The following KIAA1958 variants were observed in gnomAD, a reference collection of about 807,000 sequenced individuals.
The protein encoded by KIAA1958 is KIAA1958, also known as uncharacterized protein KIAA1958.
A neutral mutation model predicts 47.2 loss-of-function variants in KIAA1958; 14 were observed. That is an observed-to-expected ratio of 0.30 (90% confidence interval 0.20 to 0.46). The LOEUF is 0.46. KIAA1958 is among the 20% of genes least tolerant of loss of function. The pLI, the probability that KIAA1958 is intolerant of heterozygous loss-of-function variation, is 1.00. For synonymous variants in KIAA1958, 354 were observed against 353.3 expected (o/e 1.00, Z -0.02); for missense variants, 803 against 909.2 (o/e 0.88, Z 1.50).
chr9:112,589,854 T>C (rs1483495711), intron 2 of KIAA1958, among the ~76,000 whole-genome samples: 1 of 152,208 alleles, frequency 6.6e-6, no homozygotes, highest in African/African-American at 2.4e-5. Flanking sequence ...AAGTTCCTTC[T>C]GACTTTTTTC....
intron 3 of KIAA1958, among the ~76,000 whole-genome samples, chr9:112,646,692 A>G (rs962748367): frequency 1.3e-5 from 2 of 152,218 alleles, no homozygotes; most frequent in Admixed American, 6.5e-5. Context: ...TGCTACAGCC[A>G]TGACTGTAAA....
At chr9:112,567,979 A>T (rs2131166446) in intron 1 of KIAA1958, among the ~76,000 whole-genome samples, 1 of 151,844 alleles carries the variant, frequency 6.6e-6, no homozygotes, top group Admixed American at 6.6e-5. Flanking sequence ...AAAAAAAAAA[A>T]AAAAATCCCG....
intron 1 of KIAA1958, among the ~76,000 whole-genome samples, chr9:112,522,770 A>G (rs753969593): frequency 7.2e-5 from 11 of 152,182 alleles, no homozygotes; most frequent in Non-Finnish European, 1.6e-4. Flanking sequence ...GCTGGGCAAG[A>G]TGAATGTTCT....
intron 2 of KIAA1958, among the ~76,000 whole-genome samples, chr9:112,625,931 A>G (rs1169665810): frequency 6.6e-6 from 1 of 152,224 alleles, no homozygotes. Context: ...TAGATTATGA[A>G]CAAAAATACA....
chr9:112,552,200 T>TA (rs1349806547), intron 1 of KIAA1958, among the ~76,000 whole-genome samples: 1 of 152,214 alleles, frequency 6.6e-6, no homozygotes, highest in East Asian at 1.9e-4. Context: ...AACAATCTGT[T>TA]AGAGAATTTA....
chr9:112,487,473 C>T lies in KIAA1958; in HGVS notation c.-25+355C>T, dbSNP rs1833880792. ...TGGGGCTGGCGCCCCCGCTCCTGCT[C>T]TTGGGTCTGTCGGAGGTGGGAAGGA... On this transcript the variant is annotated intron_variant, in intron 1 of 3. Coordinates refer to ENST00000337530, the MANE Select transcript of KIAA1958 (RefSeq NM_133465.4). Among the ~76,000 whole-genome samples the T allele has an allele frequency of 2.6e-5, 4 of 152,140 alleles. No homozygotes were observed. In the South Asian group the frequency reaches 8.3e-4, roughly 32 times the overall value.
At chr9:112,617,930 A>T in intron 2 of KIAA1958, 1 of 1,550,584 alleles carries the variant, frequency 6.4e-7, no homozygotes, top group Non-Finnish European at 8.7e-7. Context: ...CATCCGGAGC[A>T]CGCAGACCGC....
At chr9:112,497,951 C>G (rs1403316096) in intron 1 of KIAA1958, among the ~76,000 whole-genome samples, 1 of 151,896 alleles carries the variant, frequency 6.6e-6, no homozygotes, top group Non-Finnish European at 1.5e-5. Flanking sequence ...CTTATTTTCC[C>G]TATTGATCAA....
chr9:112,515,894 T>TAAAAAAAAAAAAAA (rs58492221), intron 1 of KIAA1958, among the ~76,000 whole-genome samples: 5 of 97,122 alleles, frequency 5.1e-5, no homozygotes, highest in Admixed American at 1.2e-4. Context: ...AAAAATAAAT[T>TAAAAAAAAAAAAAA]AAAAAAAAAA....
At chr9:112,658,666 T>C (rs1300601523) in intron 3 of KIAA1958, among the ~76,000 whole-genome samples, 1 of 152,028 alleles carries the variant, frequency 6.6e-6, no homozygotes, top group East Asian at 1.9e-4. Context: ...CAGATTGAAA[T>C]ACTGAGGTTT....
At chr9:112,656,677 A>T (rs1837156791) in intron 3 of KIAA1958, among the ~76,000 whole-genome samples, 1 of 152,234 alleles carries the variant, frequency 6.6e-6, no homozygotes, top group South Asian at 2.1e-4. Context: ...GAAACTATTT[A>T]AATGAAAAAG....
At chr9:112,649,526 T>A (rs543231393) in intron 3 of KIAA1958, among the ~76,000 whole-genome samples, 2 of 151,970 alleles carry the variant, frequency 1.3e-5, no homozygotes, top group Non-Finnish European at 2.9e-5. Context: ...CTAATGTACA[T>A]GTAATTGGAA....
At chr9:112,572,789 C>T (rs566042281) in intron 1 of KIAA1958, among the ~76,000 whole-genome samples, 2 of 152,220 alleles carry the variant, frequency 1.3e-5, no homozygotes, top group South Asian at 4.2e-4. Flanking sequence ...GAGAGGTGGC[C>T]GTGGCCACAT....
At chr9:112,544,737 G>A (rs1421687453) in intron 1 of KIAA1958, among the ~76,000 whole-genome samples, 5 of 152,150 alleles carry the variant, frequency 3.3e-5, no homozygotes, top group African/African-American at 1.2e-4. Flanking sequence ...TTGGCTTTCA[G>A]TATACCGGAG....
intron 2 of KIAA1958, among the ~76,000 whole-genome samples, chr9:112,593,004 G>A (rs1227019198): frequency 6.6e-6 from 1 of 152,216 alleles, no homozygotes; most frequent in African/African-American, 2.4e-5. Context: ...ATAGAAAAAG[G>A]TTGACAAGGA....
chr9:112,504,797 T>C (rs1332689080), intron 1 of KIAA1958, among the ~76,000 whole-genome samples: 1 of 152,238 alleles, frequency 6.6e-6, no homozygotes, highest in African/African-American at 2.4e-5. Flanking sequence ...TGTGTCTATA[T>C]GTATATATGT....
intron 2 of KIAA1958, among the ~76,000 whole-genome samples, chr9:112,583,524 G>T (rs1014906571): frequency 6.6e-6 from 1 of 152,104 alleles, no homozygotes; most frequent in Non-Finnish European, 1.5e-5. Flanking sequence ...ATGTACAGGG[G>T]TCTACAGTGC....
At chr9:112,607,568 A>G (rs1245835610) in intron 2 of KIAA1958, among the ~76,000 whole-genome samples, 4 of 152,122 alleles carry the variant, frequency 2.6e-5, no homozygotes, top group Admixed American at 1.3e-4. Context: ...ACACTTGCCA[A>G]CTTTGAGGGA....
chr9:112,623,655 A>G (rs1836549294), intron 2 of KIAA1958, among the ~76,000 whole-genome samples: 2 of 152,212 alleles, frequency 1.3e-5, no homozygotes, highest in Admixed American at 1.3e-4. Flanking sequence ...ACCAGCAGAG[A>G]GCAGAAGTTT....
Sources: allele counts gnomAD v4.1 joint callset (sites outside exome capture counted in the v4.1 genomes callset), GRCh38; gene constraint gnomAD v4.1.1; transcripts MANE v1.5; gene names NCBI Gene and HGNC (gene_info 2026-07-23, HGNC 2026-07-21).